BTBD7: variants seen among roughly 807,000 people sequenced by gnomAD.
BTBD7 encodes the protein BTB domain containing 7.
A neutral mutation model predicts 99.9 loss-of-function variants in BTBD7; 38 were observed. That is an observed-to-expected ratio of 0.38 (90% CI 0.29 to 0.50). The LOEUF (loss-of-function observed/expected upper bound fraction) is 0.50, where lower values mean the gene tolerates loss of function less well. Ranked by LOEUF, BTBD7 falls within the 20% of genes least tolerant of loss-of-function variation. The probability of loss-of-function intolerance (pLI) is 0.93; values close to 1 mark genes in which losing one functional copy is unlikely to be tolerated. For missense variants in BTBD7, 1,170 were observed against 1,394.6 expected, an observed-to-expected ratio of 0.84 and a Z score of 2.57; for synonymous variants, 520 against 511.4, an observed-to-expected ratio of 1.02 and a Z score of -0.23.
rs374622208 is a variant in BTBD7, at chr14:93,251,472, C to T, written c.1933G>A (p.Glu645Lys). Reference protein sequence around the residue: ...QSSPPSVVANEIPVPRLLIMK... With the variant: ...QSSPPSVVANKIPVPRLLIMK... The stretch of plus-strand genomic sequence containing the variant: ...CAACATACTGCCTTACCTGGAATTT[C>T]GTTGGCTACAACTGAAGGAGGGCTT... The change falls in exon 8 of 11, where the codon GAA (glutamate) becomes AAA (lysine). Residue 645 changes from glutamate to lysine, a missense_variant. Physicochemically the swap from Glu to Lys is moderately conservative, Grantham distance 56 (BLOSUM62 1). Coordinates refer to ENST00000334746, the MANE Select transcript of BTBD7 (RefSeq NM_001002860.4). 3.3e-5 allele frequency: 53 copies of T among 1,589,872 alleles called. No homozygotes were observed. The highest frequency in any genetic ancestry group is 4.3e-5 in the Non-Finnish European group (50 of 1,163,268).
At chr14:93,320,877 T>C (rs2053261918) in intron 1 of BTBD7, among the ~76,000 whole-genome samples, 1 of 152,200 alleles carries the variant, frequency 6.6e-6, no homozygotes, top group Admixed American at 6.5e-5. Context: ...CATCTACTAG[T>C]ATAATTTTAT....
At chr14:93,279,658 C>T (rs1024335367) in intron 3 of BTBD7, among the ~76,000 whole-genome samples, 2 of 152,308 alleles carry the variant, frequency 1.3e-5, no homozygotes, top group African/African-American at 4.8e-5. Flanking sequence ...AGCGATTCTC[C>T]TGCCTCAGCC....
chr14:93,286,012 C>T (rs1595310890), intron 3 of BTBD7, among the ~76,000 whole-genome samples: 1 of 152,106 alleles, frequency 6.6e-6, no homozygotes. Flanking sequence ...CAGTGAAGAC[C>T]CTGAGTTGCC....
In BTBD7 at chr14:93,242,417, C is replaced by G. The variant is rs2052242169; in HGVS notation, c.3255G>C (p.Glu1085Asp). 6.2e-7 allele frequency: 1 copy of G among 1,614,240 alleles called. No homozygotes were observed. The highest frequency in any genetic ancestry group is 1.1e-5 in the South Asian group (1 of 91,082). ...LSACSSEAPE[E>D]RSGRRLADSE... ...TGTCTGCCAGTCTTCTACCGGATCT[C>G]TCTTCGGGAGCTTCAGAGCTACATG... Residue 1085 changes from glutamate (E) to aspartate (D), a missense_variant, in exon 11 of 11, where the codon GAG becomes GAC. Physicochemically the swap from Glu to Asp is conservative, Grantham distance 45. Coordinates refer to ENST00000334746, the MANE Select transcript of BTBD7 (RefSeq NM_001002860.4).
At chr14:93,330,829 C>T (rs148311022) in intron 1 of BTBD7, among the ~76,000 whole-genome samples, 1 of 152,164 alleles carries the variant, frequency 6.6e-6, no homozygotes, top group Non-Finnish European at 1.5e-5. Flanking sequence ...TGCTGTGACT[C>T]AAGATGATAC....
chr14:93,328,209 T>C (rs2053355770), intron 1 of BTBD7, among the ~76,000 whole-genome samples: 1 of 152,186 alleles, frequency 6.6e-6, no homozygotes, highest in African/African-American at 2.4e-5. Context: ...AGAGATTCAA[T>C]ACAATTCCTA....
At chr14:93,288,008 C>A (rs1320917756) in intron 3 of BTBD7, 1 of 152,988 alleles carries the variant, frequency 6.5e-6, no homozygotes, top group Non-Finnish European at 1.5e-5. Context: ...AAATAATTTT[C>A]CATCAGCTTT....
Position 93,237,929 on chromosome 14 carries a change from A to T in BTBD7, c.*4344T>A, listed in dbSNP as rs532932577. ...GTAACAGCACAACCACAAGAAACGC[A>T]GTGTTGTAGATGATTTTCCACCTCT... On this transcript the variant is annotated 3_prime_UTR_variant, in exon 11 of 11. Coordinates refer to ENST00000334746, the MANE Select transcript of BTBD7 (RefSeq NM_001002860.4). 1.8e-4 allele frequency: 28 copies of T among 152,726 alleles called. No individual in the cohort carries two copies. The highest frequency in any genetic ancestry group is 6.7e-4 in the African/African-American group (28 of 41,580). 9.5% of individuals were successfully genotyped at this position (152,726 alleles called of 1,614,324 possible).
chr14:93,291,136 T>A (rs1050008439), intron 3 of BTBD7, among the ~76,000 whole-genome samples: 2 of 151,826 alleles, frequency 1.3e-5, no homozygotes, highest in African/African-American at 4.8e-5. Context: ...CCTGGCCTAG[T>A]AAAATTATTT....
rs1230148903 is a variant in BTBD7 at position 93,294,210 on chromosome 14, T to C, written c.810A>G (p.Leu270=). Reference sequence around the variant, plus strand: ...CCTTGTGGGCTTTGAGCTCTTCATCTAAACAGTTCTGATTTCCACCAAAAG... The same window carrying C: ...CCTTGTGGGCTTTGAGCTCTTCATCCAAACAGTTCTGATTTCCACCAAAAG... The part of the protein sequence containing the change: ...VEAFGGNQNC[L]DEELKAHKAV... The change falls in exon 3 of 11, where the codon TTA becomes TTG. Residue 270 remains leucine (L), a synonymous_variant. Transcript: ENST00000334746. The C allele has an allele frequency of 6.2e-7, 1 of 1,613,870 alleles. No individual in the cohort carries two copies.
Position 93,242,207 on chromosome 14 carries a change from G to A in BTBD7, c.*66C>T. 3 of 1,449,250 alleles carry A rather than the reference G, an allele frequency of 2.1e-6. No individual in the cohort carries two copies. The highest frequency in any genetic ancestry group is 2.9e-6 in the Non-Finnish European group (3 of 1,052,434). The allele number at this position is 1,449,250 out of a possible 1,614,324, so 89.8% of individuals were successfully genotyped here. The stretch of plus-strand genomic sequence containing the variant: ...CTGGCATTGATGAACTGGTCTGTAA[G>A]TTGTTGGGTTACATCATAAAATGGG... On this transcript the variant is annotated 3_prime_UTR_variant, in exon 11 of 11. Coordinates refer to ENST00000334746, the MANE Select transcript of BTBD7 (RefSeq NM_001002860.4).
intron 1 of BTBD7, among the ~76,000 whole-genome samples, chr14:93,297,196 C>T (rs1188418578): frequency 1.3e-5 from 2 of 152,186 alleles, no homozygotes; most frequent in Non-Finnish European, 2.9e-5. Context: ...AGAAACAGAA[C>T]TGTGTCAAGA....
intron 3 of BTBD7, among the ~76,000 whole-genome samples, chr14:93,277,234 T>C (rs929036353): frequency 6.6e-6 from 1 of 152,162 alleles, no homozygotes; most frequent in Non-Finnish European, 1.5e-5. Flanking sequence ...CTCAATTGAC[T>C]AGATTGATAT....
At chr14:93,307,300 C>T (rs1415813424) in intron 1 of BTBD7, among the ~76,000 whole-genome samples, 1 of 152,130 alleles carries the variant, frequency 6.6e-6, no homozygotes, top group Non-Finnish European at 1.5e-5. Flanking sequence ...CAGGCGTGTG[C>T]CACCATGTCC....
At chr14:93,283,324 C>T (rs56118996) in intron 3 of BTBD7, among the ~76,000 whole-genome samples, 18,059 of 152,096 alleles carry the variant, frequency 0.12, 1,342 homozygotes, top group African/African-American at 0.21. Context: ...GCTATCCATC[C>T]GCCATGGCCT....
chr14:93,292,217 G>T (rs2052865487), intron 3 of BTBD7, among the ~76,000 whole-genome samples: 1 of 151,896 alleles, frequency 6.6e-6, no homozygotes, highest in African/African-American at 2.4e-5. Flanking sequence ...ATATATTAAA[G>T]AATGCTTTCT....
chr14:93,331,031 G>A (rs1467661687), intron 1 of BTBD7, among the ~76,000 whole-genome samples: 1 of 152,046 alleles, frequency 6.6e-6, no homozygotes, highest in African/African-American at 2.4e-5. Flanking sequence ...GCTAAAACTG[G>A]GTGAAAATGT....
chr14:93,243,546 C>G (rs563644027), intron 10 of BTBD7, among the ~76,000 whole-genome samples: 4 of 152,158 alleles, frequency 2.6e-5, no homozygotes, highest in Non-Finnish European at 4.4e-5. Flanking sequence ...AAAAATCACT[C>G]CAACCTTTTG....
In BTBD7 at chr14:93,294,882, A is replaced by G. The variant is rs1328415063; in HGVS notation, c.138T>C (p.Leu46=). Residue 46 remains leucine (L), a synonymous_variant, in exon 3 of 11, where the codon CTT becomes CTC. Transcript: ENST00000334746. ...GYGCESKLYS[L]DHGHEKPQDK... ...CTTGTGGTTTCTCATGGCCATGGTC[A>G]AGGCTATACAACTTTGATTCGCAAC... 14 of 1,610,800 alleles carry G rather than the reference A, an allele frequency of 8.7e-6. No individual in the cohort carries two copies. Among genetic ancestry groups the G allele is most frequent in the Non-Finnish European group, 1.0e-5 (12 of 1,179,358 alleles).
Sources: gnomAD v4.1 joint callset for allele counts (sites outside exome capture counted in the v4.1 genomes callset) on GRCh38, gnomAD v4.1.1 for gene constraint, MANE v1.5 for transcripts, NCBI Gene and HGNC (gene_info 2026-07-23, HGNC 2026-07-21) for gene names.